Variants in TEAD1 observed in about 807,000 individuals in gnomAD.
TEAD1 encodes the protein TEA domain transcription factor 1.
A neutral mutation model predicts 54.9 loss-of-function variants in TEAD1; 9 were observed. The observed-to-expected ratio is 0.16, with a 90% CI of 0.10 to 0.29. The LOEUF (loss-of-function observed/expected upper bound fraction) is 0.29, where lower values mean the gene tolerates loss of function less well. Ranked by LOEUF, TEAD1 falls within the 10% of genes least tolerant of loss-of-function variation. The pLI is 1.00. For missense variants in TEAD1, 387 were observed against 535.9 expected (o/e 0.72, Z 2.74); for synonymous variants, 200 against 187.8 (o/e 1.07, Z -0.53).
chr11:12,829,220 T>G (rs1414410422), intron 3 of TEAD1, among the ~76,000 whole-genome samples: 2 of 152,174 alleles, frequency 1.3e-5, no homozygotes, highest in Admixed American at 1.3e-4. Context: ...GAGACTCATA[T>G]TTACCATACC....
chr11:12,715,778 G>A (rs1054687257), intron 2 of TEAD1, among the ~76,000 whole-genome samples: 1 of 151,988 alleles, frequency 6.6e-6, no homozygotes, highest in Admixed American at 6.6e-5. Flanking sequence ...TTTCAGGTAA[G>A]CAATATTTGG....
At chr11:12,775,806 C>T (rs1564935504) in intron 3 of TEAD1, among the ~76,000 whole-genome samples, 2 of 152,122 alleles carry the variant, frequency 1.3e-5, no homozygotes, top group Non-Finnish European at 2.9e-5. Flanking sequence ...CAATCGCAAA[C>T]ATATGTTACT....
At chr11:12,904,262 A>G (rs1456884746) in intron 10 of TEAD1, among the ~76,000 whole-genome samples, 1 of 121,952 alleles carries the variant, frequency 8.2e-6, no homozygotes, top group African/African-American at 3.7e-5. Flanking sequence ...AAGTGAACAC[A>G]TAAGTTTTAT....
chr11:12,873,944 G>A (rs1171860138), intron 5 of TEAD1, among the ~76,000 whole-genome samples: 1 of 152,190 alleles, frequency 6.6e-6, no homozygotes, highest in Non-Finnish European at 1.5e-5. Flanking sequence ...GCACTATATT[G>A]CTGGTTAAAG....
At chr11:12,753,077 GA>G (rs1408354521) in intron 2 of TEAD1, among the ~76,000 whole-genome samples, 26 of 149,396 alleles carry the variant, frequency 1.7e-4, no homozygotes, top group African/African-American at 6.4e-4. Context: ...CTCCTGCGCT[GA>G]AGCAATCTGC....
chr11:12,857,802 G>C (rs1947420966), intron 3 of TEAD1, among the ~76,000 whole-genome samples: 1 of 152,112 alleles, frequency 6.6e-6, no homozygotes, highest in Admixed American at 6.6e-5. Context: ...AATATACATA[G>C]GGGCCAGTGC....
At chr11:12,860,132 C>A (rs1316135420) in intron 3 of TEAD1, among the ~76,000 whole-genome samples, 1 of 152,042 alleles carries the variant, frequency 6.6e-6, no homozygotes, top group Non-Finnish European at 1.5e-5. Flanking sequence ...TGTACAACTC[C>A]AAGAGGACCC....
At chr11:12,894,671 A>G (rs1358021347) in intron 9 of TEAD1, among the ~76,000 whole-genome samples, 2 of 152,226 alleles carry the variant, frequency 1.3e-5, no homozygotes, top group Non-Finnish European at 2.9e-5. Context: ...ACCGATGGTA[A>G]CATCAGAACA....
chr11:12,924,703 A>G (rs1488493238), intron 10 of TEAD1, among the ~76,000 whole-genome samples: 2 of 152,222 alleles, frequency 1.3e-5, no homozygotes, highest in Non-Finnish European at 2.9e-5. Flanking sequence ...TGATACTTGT[A>G]GCATGTCATT....
chr11:12,822,428 G>C (rs1946572012), intron 3 of TEAD1: 1 of 152,228 alleles, frequency 6.6e-6, no homozygotes, highest in Admixed American at 6.5e-5. Flanking sequence ...TTTGGAGGGA[G>C]ATGGGATAGT....
At chr11:12,707,956 A>G (rs1213246244) in intron 2 of TEAD1, among the ~76,000 whole-genome samples, 1 of 152,258 alleles carries the variant, frequency 6.6e-6, no homozygotes, top group African/African-American at 2.4e-5. Flanking sequence ...AGACTGCAGC[A>G]TGAAATCTCA....
chr11:12,930,176 G>T lies in TEAD1; in HGVS notation c.1017G>T (p.Thr339=). ...CTGAAATCCTTTTTTCCTCACAGAC[G>T]GAGTATGCAAGGTTTGAGAATGGCC... The change falls in exon 12 of 13, where the codon ACG becomes ACT. Residue 339 remains threonine, a splice_region_variant and synonymous_variant. Transcript: ENST00000527636. The T allele has an allele frequency of 5.0e-6, 8 of 1,614,148 alleles. No homozygotes were observed. Among genetic ancestry groups the T allele is most frequent in the Non-Finnish European group, 5.9e-6 (7 of 1,180,028 alleles).
intron 2 of TEAD1, among the ~76,000 whole-genome samples, chr11:12,745,212 G>T (rs1438352846): frequency 1.3e-5 from 2 of 152,174 alleles, no homozygotes; most frequent in East Asian, 3.9e-4. Context: ...GTAAAAACCA[G>T]GATTATTAAA....
At chr11:12,913,359 T>A (rs1948652298) in intron 10 of TEAD1, among the ~76,000 whole-genome samples, 1 of 152,260 alleles carries the variant, frequency 6.6e-6, no homozygotes. Context: ...GAGATCCTCC[T>A]TGCACACATA....
At chr11:12,764,048 A>G (rs1169478185) in intron 2 of TEAD1, 131 bp from the exon 3 acceptor site, 3 of 643,766 alleles carry the variant, frequency 4.7e-6, no homozygotes, top group Non-Finnish European at 7.7e-6. Flanking sequence ...AACCATGTGT[A>G]TCCCCAAAAA....
intron 3 of TEAD1, among the ~76,000 whole-genome samples, chr11:12,846,643 G>A (rs961329378): frequency 1.8e-4 from 27 of 152,242 alleles, no homozygotes; most frequent in African/African-American, 5.8e-4. Context: ...TCTGACTTCC[G>A]TTTGTCCAGT....
intron 2 of TEAD1, among the ~76,000 whole-genome samples, chr11:12,698,038 A>G (rs971762106): frequency 3.3e-5 from 5 of 151,456 alleles, no homozygotes; most frequent in Admixed American, 1.3e-4. Context: ...AAAAAAAAAA[A>G]GGGCCCTCAG....
At chr11:12,767,510 A>G (rs1945229639) in intron 3 of TEAD1, among the ~76,000 whole-genome samples, 1 of 152,198 alleles carries the variant, frequency 6.6e-6, no homozygotes, top group Admixed American at 6.5e-5. Flanking sequence ...CATTGGAGAA[A>G]CAAGGTCAAG....
chr11:12,759,597 T>G (rs555255977), intron 2 of TEAD1, among the ~76,000 whole-genome samples: 10 of 152,290 alleles, frequency 6.6e-5, no homozygotes, highest in African/African-American at 2.4e-4. Flanking sequence ...GCGCGGTGGC[T>G]CACGCCTGTA....
Sources: gnomAD v4.1 joint callset for allele counts (sites outside exome capture counted in the v4.1 genomes callset) on GRCh38, gnomAD v4.1.1 for gene constraint, MANE v1.5 for transcripts, NCBI Gene and HGNC (gene_info 2026-07-23, HGNC 2026-07-21) for gene names.